Variants in FSTL4 observed in about 807,000 individuals in gnomAD.
The protein encoded by FSTL4 is follistatin-related protein 4.
A neutral mutation model predicts 78.2 loss-of-function variants in FSTL4; 28 were observed. The observed-to-expected ratio is 0.36, with a 90% CI of 0.27 to 0.49. FSTL4 has a LOEUF of 0.49. Ranked by LOEUF, FSTL4 falls within the 20% of genes least tolerant of loss-of-function variation. FSTL4 has a pLI of 0.98. For synonymous variants in FSTL4, 422 were observed against 440.5 expected, an observed-to-expected ratio of 0.96 and a Z score of 0.53; for missense variants, 922 against 1,084.9, an observed-to-expected ratio of 0.85 and a Z score of 2.11.
At chr5:133,673,835 G>A in the FSTL4 span, among the ~76,000 whole-genome samples, 2 of 152,044 alleles carry the variant, frequency 1.3e-5, no homozygotes, top group South Asian at 4.2e-4. Flanking sequence ...TGTAATGGAG[G>A]GACAAAAGCA....
At chr5:133,721,264 T>G in the FSTL4 span, among the ~76,000 whole-genome samples, 3 of 152,236 alleles carry the variant, frequency 2.0e-5, no homozygotes, top group Non-Finnish European at 4.4e-5. Context: ...TTTATTTATT[T>G]TTGATGACTT....
the FSTL4 span, among the ~76,000 whole-genome samples, chr5:133,685,183 C>G: frequency 6.6e-6 from 1 of 152,158 alleles, no homozygotes; most frequent in East Asian, 1.9e-4. Context: ...GGAGCCTGCC[C>G]CTGGGGCTCA....
the FSTL4 span, among the ~76,000 whole-genome samples, chr5:133,780,240 G>A: frequency 6.6e-6 from 1 of 152,114 alleles, no homozygotes; most frequent in African/African-American, 2.4e-5. Context: ...GGGAGGAGGG[G>A]TGTACACGAG....
intron 8 of FSTL4, among the ~76,000 whole-genome samples, chr5:133,231,004 G>A (rs1045142410): frequency 2.0e-5 from 3 of 151,970 alleles, no homozygotes; most frequent in African/African-American, 4.8e-5. Flanking sequence ...TGGGGTAGGC[G>A]TCCTCCTGGG....
At chr5:133,327,705 C>G (rs6596122) in intron 4 of FSTL4, among the ~76,000 whole-genome samples, 114,390 of 152,126 alleles carry the variant, frequency 0.75, 44,418 homozygotes, top group African/African-American at 0.94. Context: ...ATGGCTACAG[C>G]ACTGGGTCTG....
At chr5:133,757,787 T>A in the FSTL4 span, among the ~76,000 whole-genome samples, 1 of 152,206 alleles carries the variant, frequency 6.6e-6, no homozygotes, top group South Asian at 2.1e-4. Context: ...GATTTCCACA[T>A]AAATTTGAAT....
At chr5:133,761,209 A>G in the FSTL4 span, among the ~76,000 whole-genome samples, 1 of 151,030 alleles carries the variant, frequency 6.6e-6, no homozygotes, top group Non-Finnish European at 1.5e-5. Context: ...ATCACCTCCA[A>G]ACCTAACACA....
At chr5:133,691,014 T>G in the FSTL4 span, among the ~76,000 whole-genome samples, 1 of 152,204 alleles carries the variant, frequency 6.6e-6, no homozygotes, top group Non-Finnish European at 1.5e-5. Flanking sequence ...AGGGAAGCTC[T>G]GAGCTCGCAA....
At chr5:133,352,231 C>CACACACATATATATAT (rs1475755970) in intron 4 of FSTL4, among the ~76,000 whole-genome samples, 18 of 145,558 alleles carry the variant, frequency 1.2e-4, no homozygotes, top group Non-Finnish European at 2.1e-4. Flanking sequence ...CTTTTGTTCT[C>CACACACATATATATAT]ACACACATAT....
At chr5:133,721,379 A>G in the FSTL4 span, among the ~76,000 whole-genome samples, 5 of 152,172 alleles carry the variant, frequency 3.3e-5, no homozygotes, top group Non-Finnish European at 4.4e-5. Context: ...TGAGTTTTAT[A>G]CTTTCATATA....
At chr5:133,204,577 A>G (rs772628700) in intron 14 of FSTL4, among the ~76,000 whole-genome samples, 4 of 152,112 alleles carry the variant, frequency 2.6e-5, no homozygotes, top group African/African-American at 4.8e-5. Flanking sequence ...CACACCTGTA[A>G]TCCCAGTACT....
At chr5:133,528,380 C>T (rs181805093) in intron 3 of FSTL4, among the ~76,000 whole-genome samples, 21 of 152,342 alleles carry the variant, frequency 1.4e-4, no homozygotes, top group African/African-American at 4.8e-4. Flanking sequence ...CTGCTTTAAA[C>T]ACCCTCCCTC....
chr5:133,265,668 C>G (rs1752626213), intron 6 of FSTL4, among the ~76,000 whole-genome samples: 1 of 152,214 alleles, frequency 6.6e-6, no homozygotes, highest in South Asian at 2.1e-4. Flanking sequence ...GGCCTGTAGT[C>G]TGAACGCAGG....
At chr5:133,493,675 C>G (rs1033694379) in intron 3 of FSTL4, among the ~76,000 whole-genome samples, 6 of 152,306 alleles carry the variant, frequency 3.9e-5, no homozygotes, top group South Asian at 4.1e-4. Flanking sequence ...CCCCTCAAAC[C>G]TCAGGGTGCC....
chr5:133,592,480 A>G lies in FSTL4; in HGVS notation c.126+11378T>C, dbSNP rs766280482. On this transcript the variant is annotated intron_variant, in intron 2 of 15. Transcript: ENST00000265342. ...AACGAATCACAGATAATTTTGTTCTAGTCAGCATGGTCATAAAAGTGTTTC... is the reference window on the plus strand; with the variant it reads ...AACGAATCACAGATAATTTTGTTCTGGTCAGCATGGTCATAAAAGTGTTTC... Among the ~76,000 whole-genome samples, 3 of 152,214 alleles carry G rather than the reference A, an allele frequency of 2.0e-5. No individual in the cohort carries two copies. In the South Asian group the frequency reaches 6.2e-4, roughly 32 times the overall value.
chr5:133,222,132 C>G (rs1027948358), intron 11 of FSTL4, among the ~76,000 whole-genome samples: 3 of 151,916 alleles, frequency 2.0e-5, no homozygotes, highest in African/African-American at 7.2e-5. Flanking sequence ...CTATGATAAA[C>G]CTCAGCCGCC....
the FSTL4 span, among the ~76,000 whole-genome samples, chr5:133,839,244 G>C: frequency 6.6e-6 from 1 of 152,150 alleles, no homozygotes; most frequent in Non-Finnish European, 1.5e-5. Flanking sequence ...CACTCCCAAG[G>C]CTGGTTTCTA....
At position 133,469,916 on chromosome 5, in the gene FSTL4, G is replaced by A. The variant is rs184710321; in HGVS notation, c.161-68930C>T. On this transcript the variant is annotated intron_variant, in intron 3 of 15. Coordinates refer to ENST00000265342, the MANE Select transcript of FSTL4 (RefSeq NM_015082.2). ...GATAAGGATGGGGAAAAATTGAAGC[G>A]CTATATGTGGAAAACTCTCTTATGC... Among the ~76,000 whole-genome samples the A allele has an allele frequency of 4.2e-4, 64 of 151,902 alleles. No homozygotes were observed. In the East Asian group the frequency reaches 6.2e-3, roughly 15 times the overall value.
the FSTL4 span, among the ~76,000 whole-genome samples, chr5:133,779,264 T>C: frequency 6.6e-6 from 1 of 152,140 alleles, no homozygotes; most frequent in Non-Finnish European, 1.5e-5. Flanking sequence ...ATTCTCGACA[T>C]GGTGACCAGA....
Sources: allele counts gnomAD v4.1 joint callset (sites outside exome capture counted in the v4.1 genomes callset), GRCh38; gene constraint gnomAD v4.1.1; transcripts MANE v1.5; gene names NCBI Gene and HGNC (gene_info 2026-07-23, HGNC 2026-07-21).